Variants in LMX1B observed in about 807,000 individuals in gnomAD.
LMX1B encodes the protein LIM homeobox transcription factor 1 beta, also known as LIM homeobox transcription factor 1-beta.
A neutral mutation model predicts 51.4 loss-of-function variants in LMX1B; 12 were observed. The ratio of observed to expected loss-of-function variants is 0.23; its 90% CI spans 0.15 to 0.38. The LOEUF is 0.38. LMX1B is among the 10% of genes least tolerant of loss of function. The pLI is 1.00. For missense variants in LMX1B, 445 were observed against 571.1 expected (o/e 0.78, Z 2.25); for synonymous variants, 237 against 235.4 (o/e 1.01, Z -0.06).
chr9:126,696,820 A>C lies in LMX1B; in HGVS notation c.*369A>C. 1 of 330,922 alleles carries C rather than the reference A, an allele frequency of 3.0e-6. No homozygotes were observed. Among genetic ancestry groups the C allele is most frequent in the Non-Finnish European group, 5.8e-6 (1 of 172,290 alleles). 20.5% of individuals were successfully genotyped at this position (330,922 alleles called of 1,614,324 possible). Reference sequence around the variant, plus strand: ...GTCCTCTCTGTGTCCATGGCCCTCCATGCAAGCCCCAGGACAATGGTGTCA... The same window carrying C: ...GTCCTCTCTGTGTCCATGGCCCTCCCTGCAAGCCCCAGGACAATGGTGTCA... On this transcript the variant is annotated 3_prime_UTR_variant, in exon 8 of 8. Transcript: ENST00000373474.
At position 126,625,114 on chromosome 9, in the gene LMX1B, A is replaced by G. The variant is rs945770611; in HGVS notation, c.326+9545A>G. 4.6e-5 allele frequency among the ~76,000 whole-genome samples: 7 copies of G among 152,176 alleles called. No homozygotes were observed. The highest frequency in any genetic ancestry group is 7.2e-5 in the African/African-American group (3 of 41,436). ...ACTTGCCATCCTAATCCCCTTATTCATGTCAAGCACAGAAAAGAAGCCGAG... is the reference window on the plus strand; with the variant it reads ...ACTTGCCATCCTAATCCCCTTATTCGTGTCAAGCACAGAAAAGAAGCCGAG... On this transcript the variant is annotated intron_variant, in intron 2 of 7. Coordinates refer to ENST00000373474, the MANE Select transcript of LMX1B (RefSeq NM_001174147.2). The surrounding 1 kb of genome is among the most constrained non-coding windows in gnomAD (Gnocchi z 5.3).
chr9:126,652,449 G>A (rs973765996), intron 2 of LMX1B, among the ~76,000 whole-genome samples: 4 of 152,384 alleles, frequency 2.6e-5, no homozygotes, highest in East Asian at 1.9e-4. Flanking sequence ...GTGGGGGTGC[G>A]GCCGCATGGG....
At chr9:126,665,966 G>T (rs1836336075) in intron 2 of LMX1B, among the ~76,000 whole-genome samples, 1 of 152,268 alleles carries the variant, frequency 6.6e-6, no homozygotes. Context: ...ATGTGCTGGT[G>T]AACAAAGATC....
chr9:126,638,151 G>A (rs1242143319), intron 2 of LMX1B, among the ~76,000 whole-genome samples: 5 of 152,178 alleles, frequency 3.3e-5, no homozygotes, highest in African/African-American at 1.2e-4. Context: ...CCCGAAGCCT[G>A]AGGAGCTCCT....
At position 126,697,712 on chromosome 9, in the gene LMX1B, A is replaced by C. The variant is rs1195472712; in HGVS notation, c.*1261A>C. 1 of 152,310 alleles carries C rather than the reference A, an allele frequency of 6.6e-6. No individual in the cohort carries two copies. Among genetic ancestry groups the C allele is most frequent in the Non-Finnish European group, 1.5e-5 (1 of 68,132 alleles). 9.4% of individuals were successfully genotyped at this position (152,310 alleles called of 1,614,324 possible). On this transcript the variant is annotated 3_prime_UTR_variant, in exon 8 of 8. Transcript: ENST00000373474. ...CCTCTGTTAATTTGGCCCAAAAGACAATGATTTGGCCACATGACCTTAGAG... is the reference window on the plus strand; with the variant it reads ...CCTCTGTTAATTTGGCCCAAAAGACCATGATTTGGCCACATGACCTTAGAG...
At chr9:126,691,874 C>T (rs894083669) in intron 3 of LMX1B, among the ~76,000 whole-genome samples, 7 of 152,234 alleles carry the variant, frequency 4.6e-5, no homozygotes, top group Non-Finnish European at 5.9e-5. Context: ...AGGACCCTCC[C>T]TCCTCTGCTC....
In LMX1B at chr9:126,614,052, C is replaced by CCA. The variant is rs1317524303; in HGVS notation, c.-397_-396insAC. Among the ~76,000 whole-genome samples, 2 of 138,272 alleles carry CCA rather than the reference C, an allele frequency of 1.4e-5. No homozygotes were observed. The highest frequency in any genetic ancestry group is 2.2e-4 in the East Asian group (1 of 4,598). 90.7% of individuals were successfully genotyped at this position (138,272 alleles called of 152,430 possible). On this transcript the variant is annotated 5_prime_UTR_variant, in exon 1 of 8. Coordinates refer to ENST00000373474, the MANE Select transcript of LMX1B (RefSeq NM_001174147.2). ...GGACCCCGCTGCGCCGCGCGCCCCC[C>CCA]CCGCGGCCCGCGGGGCCGCCCCTGC...
chr9:126,693,444 A>C (rs191071627), intron 4 of LMX1B, 80 bp from the exon 5 acceptor site: 1 of 1,553,426 alleles, frequency 6.4e-7, no homozygotes, highest in East Asian at 2.2e-5. Context: ...CTCTCCGCAC[A>C]TCCCATCATA....
At chr9:126,672,225 G>T (rs957084059) in intron 2 of LMX1B, among the ~76,000 whole-genome samples, 1 of 152,240 alleles carries the variant, frequency 6.6e-6, no homozygotes, top group African/African-American at 2.4e-5. Context: ...ACCCTCTGTG[G>T]AATGGGATCA....
In LMX1B at chr9:126,696,541, C is replaced by T. The variant is rs747815548; in HGVS notation, c.*90C>T. The T allele has an allele frequency of 6.3e-5, 93 of 1,475,140 alleles. No homozygotes were observed. The highest frequency in any genetic ancestry group is 2.1e-4 in the African/African-American group (15 of 71,648). 91.4% of individuals were successfully genotyped at this position (1,475,140 alleles called of 1,614,324 possible). Reference sequence around the variant, plus strand: ...GCCTGGCCACCCCCGCCCTGCTCTCCGCACAGACTACAGACAGCCATACGG... The same window carrying T: ...GCCTGGCCACCCCCGCCCTGCTCTCTGCACAGACTACAGACAGCCATACGG... On this transcript the variant is annotated 3_prime_UTR_variant, in exon 8 of 8. Coordinates refer to ENST00000373474, the MANE Select transcript of LMX1B (RefSeq NM_001174147.2).
Position 126,618,665 on chromosome 9 carries a change from C to T in LMX1B, c.326+3096C>T, listed in dbSNP as rs1159409080. Among the ~76,000 whole-genome samples the T allele has an allele frequency of 6.6e-6, 1 of 152,188 alleles. No individual in the cohort carries two copies. Among genetic ancestry groups the T allele is most frequent in the Non-Finnish European group, 1.5e-5 (1 of 68,022 alleles). ...AAATGAAAAATAAGGCACTTTCCCC[C>T]CTCCCATGTTTTTATCTTGGCGGCT... is the stretch of plus-strand genomic sequence containing the variant. On this transcript the variant is annotated intron_variant, in intron 2 of 7. Transcript: ENST00000373474. This position sits in a 1 kb window ranked among gnomAD's most constrained non-coding sequence, Gnocchi z 4.5.
chr9:126,685,742 G>A (rs368411599), intron 2 of LMX1B, among the ~76,000 whole-genome samples: 13 of 152,264 alleles, frequency 8.5e-5, no homozygotes, highest in East Asian at 3.9e-4. Context: ...GGTAGTAAGC[G>A]GAGAGTTAGG....
At chr9:126,629,111 C>T (rs749119215) in intron 2 of LMX1B, among the ~76,000 whole-genome samples, 7 of 152,182 alleles carry the variant, frequency 4.6e-5, no homozygotes, top group South Asian at 2.1e-4. Flanking sequence ...TTGACAAGCC[C>T]AGCAGGCTGG....
chr9:126,633,112 G>T (rs1041410130), intron 2 of LMX1B, among the ~76,000 whole-genome samples: 9 of 152,136 alleles, frequency 5.9e-5, no homozygotes, highest in African/African-American at 1.9e-4. Flanking sequence ...TACTCCCAAG[G>T]CCTGGCACAA....
chr9:126,660,610 T>C (rs1836225920), intron 2 of LMX1B, among the ~76,000 whole-genome samples: 1 of 152,192 alleles, frequency 6.6e-6, no homozygotes, highest in South Asian at 2.1e-4. Flanking sequence ...GAGAGTTAAC[T>C]GAGTTAACAT....
intron 2 of LMX1B, among the ~76,000 whole-genome samples, chr9:126,632,357 G>T (rs1355838207): frequency 6.6e-6 from 1 of 152,162 alleles, no homozygotes; most frequent in Non-Finnish European, 1.5e-5. Flanking sequence ...TCCAGGAGGG[G>T]GCCCTGGCAG....
intron 2 of LMX1B, among the ~76,000 whole-genome samples, chr9:126,639,514 T>C (rs947179336): frequency 9.2e-5 from 14 of 152,202 alleles, no homozygotes; most frequent in Admixed American, 5.9e-4. Flanking sequence ...CCCTGGAAAT[T>C]ATCCTGTAAT....
chr9:126,675,823 G>C (rs1270535009), intron 2 of LMX1B, among the ~76,000 whole-genome samples: 1 of 151,402 alleles, frequency 6.6e-6, no homozygotes, highest in Non-Finnish European at 1.5e-5. Context: ...GCCGAGGCGG[G>C]CGGATCACGA....
intron 2 of LMX1B, among the ~76,000 whole-genome samples, chr9:126,666,028 C>A (rs1439393483): frequency 1.3e-5 from 2 of 152,256 alleles, no homozygotes; most frequent in African/African-American, 4.8e-5. Context: ...CCGAGCTAGG[C>A]GCTGTGCCGA....
Sources: gnomAD v4.1 joint callset for allele counts (sites outside exome capture counted in the v4.1 genomes callset) on GRCh38, gnomAD v4.1.1 for gene constraint, Gnocchi (gnomAD v3.1) non-coding constraint, MANE v1.5 for transcripts, NCBI Gene and HGNC (gene_info 2026-07-23, HGNC 2026-07-21) for gene names.